The following CCDC171 variants were observed in gnomAD, a reference collection of about 807,000 sequenced individuals.
The protein encoded by CCDC171 is coiled-coil domain-containing protein 171.
Under a neutral mutation model 168.2 loss-of-function variants are expected in CCDC171, and 177 were observed. The observed-to-expected ratio is 1.05, with a 90% CI of 0.93 to 1.19. CCDC171 has a LOEUF of 1.19. CCDC171 is among the 50% of genes most tolerant of loss of function. The pLI is 0.00. For synonymous variants in CCDC171, 687 were observed against 540.8 expected, an observed-to-expected ratio of 1.27 and a Z score of -3.75; for missense variants, 1,991 against 1,539.0, an observed-to-expected ratio of 1.29 and a Z score of -4.91.
chr9:15,697,586 A>T (rs1211329903), intron 11 of CCDC171, among the ~76,000 whole-genome samples: 1 of 152,182 alleles, frequency 6.6e-6, no homozygotes, highest in Non-Finnish European at 1.5e-5. Context: ...AAAGTGAGTC[A>T]CGAGTTTTTC....
intron 3 of CCDC171, among the ~76,000 whole-genome samples, chr9:15,576,583 T>C (rs1195873075): frequency 6.6e-6 from 1 of 152,208 alleles, no homozygotes; most frequent in African/African-American, 2.4e-5. Context: ...TCCCGTGTTC[T>C]TAAGTGTTTG....
chr9:15,557,300 G>A (rs2038890998), intron 1 of CCDC171, among the ~76,000 whole-genome samples: 1 of 152,026 alleles, frequency 6.6e-6, no homozygotes, highest in Non-Finnish European at 1.5e-5. Flanking sequence ...AGCTTGATGG[G>A]GATGGCACTG....
chr9:15,605,463 A>C (rs1429685296), intron 6 of CCDC171, among the ~76,000 whole-genome samples: 3 of 146,598 alleles, frequency 2.0e-5, no homozygotes, highest in African/African-American at 7.6e-5. Context: ...GCAGATCATG[A>C]GGTCAGGAGA....
chr9:15,939,915 G>T (rs1469053026), intron 25 of CCDC171, among the ~76,000 whole-genome samples: 2 of 151,728 alleles, frequency 1.3e-5, no homozygotes, highest in African/African-American at 4.8e-5. Context: ...AATGAAAAGG[G>T]ATGGATAATT....
intron 21 of CCDC171, among the ~76,000 whole-genome samples, chr9:15,793,584 A>G (rs1588534797): frequency 1.4e-5 from 1 of 70,684 alleles, no homozygotes; most frequent in African/African-American, 7.8e-5. Flanking sequence ...TTTTTTTGAG[A>G]CAGAGTCTCA....
At chr9:15,736,352 T>C (rs1418092461) in intron 16 of CCDC171, among the ~76,000 whole-genome samples, 1 of 152,100 alleles carries the variant, frequency 6.6e-6, no homozygotes, top group Non-Finnish European at 1.5e-5. Flanking sequence ...ATGGAACTCA[T>C]ATTCCTTTTT....
At chr9:15,947,832 T>A (rs9406568) in intron 25 of CCDC171, among the ~76,000 whole-genome samples, 59,547 of 151,334 alleles carry the variant, frequency 0.39, 12,041 homozygotes, top group Non-Finnish European at 0.43. Flanking sequence ...TATTTTTTTT[T>A]AATTTATTAT....
At chr9:16,000,615 A>T (rs1564111917) in intron 3 of CCDC171, among the ~76,000 whole-genome samples, 1 of 152,100 alleles carries the variant, frequency 6.6e-6, no homozygotes, top group African/African-American at 2.4e-5. Flanking sequence ...TTTGAGTGTG[A>T]GTGTCCCATA....
Position 15,697,135 on chromosome 9 carries a change from A to G in CCDC171, c.1318+1798A>G, listed in dbSNP as rs546145190. 3.9e-5 allele frequency among the ~76,000 whole-genome samples: 6 copies of G among 152,244 alleles called. No individual in the cohort carries two copies. The East Asian group carries it at 1.2e-3, about 29-fold the overall frequency. Reference sequence around the variant, plus strand: ...AGGTGCACCCACAGGAGATTAAGGGAATGACAGAATAAAGCAGTCGAAGTG... The same window carrying G: ...AGGTGCACCCACAGGAGATTAAGGGGATGACAGAATAAAGCAGTCGAAGTG... On this transcript the variant is annotated intron_variant, in intron 11 of 25. Coordinates refer to ENST00000380701, the MANE Select transcript of CCDC171 (RefSeq NM_173550.4).
Position 15,728,492 on chromosome 9 carries a change from A to G in CCDC171, c.1860+456A>G, listed in dbSNP as rs569301492. On this transcript the variant is annotated intron_variant, in intron 15 of 25. Coordinates refer to ENST00000380701, the MANE Select transcript of CCDC171 (RefSeq NM_173550.4). ...ATTTTTAAAAGCTTAAACATTTTAA[A>G]TTATATGCTTATGATTTGCTTCTCG... Among the ~76,000 whole-genome samples, 9 of 152,338 alleles carry G rather than the reference A, an allele frequency of 5.9e-5. No homozygotes were observed. The South Asian group carries it at 1.7e-3, about 28-fold the overall frequency.
rs1349215827 is a variant in CCDC171 at position 15,816,318 on chromosome 9, A to C, written c.3268-30384A>C. 4.2e-5 allele frequency among the ~76,000 whole-genome samples: 5 copies of C among 117,836 alleles called. 2 individuals carry two copies. The highest frequency in any genetic ancestry group is 1.6e-4 in the African/African-American group (5 of 31,586). The allele number at this position is 117,836 out of a possible 152,430, so 77.3% of individuals were successfully genotyped here. On this transcript the variant is annotated intron_variant, in intron 21 of 25. Transcript: ENST00000380701. ...AACATTATATTAGTTTTTTAAATTA[A>C]ACCTGCTTAAGTAAGAAAAAAATTA...
At chr9:16,026,066 G>C (rs760115645) in intron 6 of CCDC171, among the ~76,000 whole-genome samples, 2 of 152,168 alleles carry the variant, frequency 1.3e-5, no homozygotes, top group Admixed American at 6.5e-5. Context: ...GTATGGTAAG[G>C]GAAGATCACG....
At chr9:15,993,158 C>G (rs2132918651) in intron 3 of CCDC171, among the ~76,000 whole-genome samples, 1 of 151,866 alleles carries the variant, frequency 6.6e-6, no homozygotes, top group South Asian at 2.1e-4. Flanking sequence ...GCCAAAAGAA[C>G]AAAGCTGGAG....
intron 5 of CCDC171, 125 bp downstream of exon 5, chr9:15,591,681 A>G (rs2042017784): frequency 1.6e-6 from 1 of 612,798 alleles, no homozygotes; most frequent in Admixed American, 3.7e-5. Context: ...CCTCCCTCCC[A>G]TTTTTTCTTT....
chr9:15,642,540 C>A (rs904685960), intron 7 of CCDC171, among the ~76,000 whole-genome samples: 1 of 151,332 alleles, frequency 6.6e-6, no homozygotes, highest in Non-Finnish European at 1.5e-5. Flanking sequence ...TCCTCTAGCA[C>A]CCTCTGCTGG....
At chr9:15,734,398 C>T (rs545385530) in intron 16 of CCDC171, among the ~76,000 whole-genome samples, 7 of 151,880 alleles carry the variant, frequency 4.6e-5, no homozygotes, top group African/African-American at 1.2e-4. Context: ...ATTAGCCAGG[C>T]GTGGTGGCGC....
At chr9:15,555,758 T>C (rs2038738663) in intron 1 of CCDC171, among the ~76,000 whole-genome samples, 1 of 152,200 alleles carries the variant, frequency 6.6e-6, no homozygotes, top group Admixed American at 6.5e-5. Flanking sequence ...TATGCATACA[T>C]GTGCCATGTT....
intron 11 of CCDC171, among the ~76,000 whole-genome samples, chr9:15,699,747 T>C (rs1347575828): frequency 2.0e-5 from 3 of 152,102 alleles, no homozygotes; most frequent in Admixed American, 2.0e-4. Context: ...TGCCGATTGG[T>C]GTATTTACAA....
At chr9:15,879,103 C>T (rs1485029711) in intron 24 of CCDC171, among the ~76,000 whole-genome samples, 3 of 152,116 alleles carry the variant, frequency 2.0e-5, no homozygotes, top group African/African-American at 7.2e-5. Flanking sequence ...TGCATATTTA[C>T]CTCTAAACCT....
Sources: gnomAD v4.1 joint callset for allele counts (sites outside exome capture counted in the v4.1 genomes callset) on GRCh38, gnomAD v4.1.1 for gene constraint, MANE v1.5 for transcripts, NCBI Gene and HGNC (gene_info 2026-07-23, HGNC 2026-07-21) for gene names.